HOGA1: variants seen among roughly 807,000 people sequenced by gnomAD.
HOGA1 encodes the protein 4-hydroxy-2-oxoglutarate aldolase, mitochondrial.
HOGA1 carries 30 observed loss-of-function variants against 34.3 expected under a neutral mutation model. The observed-to-expected ratio is 0.87, with a 90% CI of 0.65 to 1.19. HOGA1 has a LOEUF of 1.19. HOGA1 is among the 50% of genes most tolerant of loss of function. The pLI is 0.00. For missense variants in HOGA1, 417 were observed against 436.5 expected (o/e 0.96, Z 0.40); for synonymous variants, 161 against 174.0 (o/e 0.93, Z 0.59).
rs1249693271 is a variant in HOGA1, at chr10:97,603,806, C to T, written c.834+1816C>T. On this transcript the variant is annotated intron_variant, in intron 6 of 6. Coordinates refer to ENST00000370646, the MANE Select transcript of HOGA1 (RefSeq NM_138413.4). This position sits in a 1 kb window ranked among gnomAD's most constrained non-coding sequence, Gnocchi z 4.5. ...CGAACTCCTGACCTCATGATCCACCCGCCTCGACCTCCCAAAGTGCTGGGA... is the reference window on the plus strand; with the variant it reads ...CGAACTCCTGACCTCATGATCCACCTGCCTCGACCTCCCAAAGTGCTGGGA... Among the ~76,000 whole-genome samples the T allele has an allele frequency of 1.3e-5, 2 of 152,098 alleles. No individual in the cohort carries two copies. The highest frequency in any genetic ancestry group is 2.9e-5 in the Non-Finnish European group (2 of 68,030).
chr10:97,591,126 C>T (rs535647879), intron 1 of HOGA1, among the ~76,000 whole-genome samples: 63 of 152,238 alleles, frequency 4.1e-4, no homozygotes, highest in Middle Eastern at 3.4e-3. Context: ...TACCTCTAGA[C>T]GTCTCAACAC....
intron 1 of HOGA1, chr10:97,590,446 C>T (rs1191144942): frequency 6.2e-7 from 1 of 1,613,972 alleles, no homozygotes; most frequent in Non-Finnish European, 8.5e-7. Context: ...AGAATTTCCT[C>T]ACCCAGCGGG....
At chr10:97,590,994 T>G (rs527800581) in intron 1 of HOGA1, 6 of 186,446 alleles carry the variant, frequency 3.2e-5, no homozygotes, top group Admixed American at 1.1e-4. Context: ...GGGAGGGGGC[T>G]CCCTCTCCAG....
chr10:97,594,600 G>T (rs567394764), intron 1 of HOGA1, among the ~76,000 whole-genome samples: 1 of 151,850 alleles, frequency 6.6e-6, no homozygotes, highest in African/African-American at 2.4e-5. Context: ...TGGTTCGCCC[G>T]CCTCGGCGTC....
rs767150761 is a variant in HOGA1 at position 97,598,919 on chromosome 10, C to G, written c.340+16C>G. The stretch of plus-strand genomic sequence containing the variant: ...GGATGCGAGTGTGAGCCAGAATGCC[C>G]TGGGCCCTGGGGGTGGGTGGATGTG... On this transcript the variant is annotated intron_variant, in intron 2 of 6. Transcript: ENST00000370646. 1 of 1,613,346 alleles carries G rather than the reference C, an allele frequency of 6.2e-7. No individual in the cohort carries two copies.
At chr10:97,599,515 T>C (rs1402164149) in intron 3 of HOGA1, 165 bp from the exon 4 acceptor site, 2 of 889,794 alleles carry the variant, frequency 2.2e-6, no homozygotes, top group Admixed American at 1.8e-5. Context: ...TCCATAAATA[T>C]GACCCACTGT....
At position 97,603,204 on chromosome 10, in the gene HOGA1, A is replaced by G. The variant is rs77550196; in HGVS notation, c.834+1214A>G. 0.1 allele frequency among the ~76,000 whole-genome samples: 15,389 copies of G among 152,012 alleles called. 1,210 individuals carry two copies. The highest frequency in any genetic ancestry group is 0.23 in the African/African-American group (9,326 of 41,444). On this transcript the variant is annotated intron_variant, in intron 6 of 6. Transcript: ENST00000370646. The surrounding 1 kb of genome is among the most constrained non-coding windows in gnomAD (Gnocchi z 4.5). ...TTTTTAGTAGAGACGGGGTTTCACC[A>G]TGTTGGCCAGGCTGGCCTCAAACTC...
intron 1 of HOGA1, among the ~76,000 whole-genome samples, chr10:97,593,092 C>G (rs559969418): frequency 6.9e-6 from 1 of 144,250 alleles, no homozygotes. Context: ...TACGTAAAGA[C>G]AAAGAAGAGT....
chr10:97,590,067 G>A lies in HOGA1; in HGVS notation c.211+5153G>A, dbSNP rs550553605. The A allele has an allele frequency of 3.7e-5, 60 of 1,614,150 alleles. No homozygotes were observed. In the East Asian group the frequency reaches 8.9e-4, roughly 24 times the overall value. On this transcript the variant is annotated intron_variant, in intron 1 of 6. Coordinates refer to ENST00000370646, the MANE Select transcript of HOGA1 (RefSeq NM_138413.4). ...CTCGACAACAATGCCAGCGCTAGTG[G>A]CAATGCTACCCAGACTGAGAGTGGG...
chr10:97,598,630 A>C, intron 1 of HOGA1, 145 bp from the exon 2 acceptor site: 1 of 1,051,494 alleles, frequency 9.5e-7, no homozygotes, highest in Non-Finnish European at 1.5e-6. Flanking sequence ...TGATGTGAAC[A>C]GTCATTGCAG....
At chr10:97,600,819 A>G (rs2041109900) in intron 5 of HOGA1, 1 of 154,886 alleles carries the variant, frequency 6.5e-6, no homozygotes, top group South Asian at 2.0e-4. Context: ...TTCCTATTCC[A>G]TCTGGTCCCT....
At position 97,598,886 on chromosome 10, in the gene HOGA1, C is replaced by A; in HGVS notation, c.323C>A (p.Ala108Asp). The stretch of plus-strand genomic sequence containing the variant: ...ATGCCCAAGAACAGGCTCCTGCTAG[C>A]TGGCTCCGGATGCGAGTGTGAGCCA... ...QAMPKNRLLL[A>D]GSGCESTQAT... The change falls in exon 2 of 7, where the codon GCT (alanine) becomes GAT (aspartate). Residue 108 changes from alanine (A) to aspartate (D), a missense_variant. Physicochemically the swap from Ala to Asp is moderately radical, Grantham distance 126 (BLOSUM62 -2). Transcript: ENST00000370646. 1.9e-6 allele frequency: 3 copies of A among 1,614,102 alleles called. No homozygotes were observed. Among genetic ancestry groups the A allele is most frequent in the African/African-American group, 1.3e-5 (1 of 75,058 alleles).
intron 6 of HOGA1, chr10:97,602,347 G>T: frequency 8.2e-7 from 1 of 1,219,438 alleles, no homozygotes; most frequent in Non-Finnish European, 1.0e-6. Flanking sequence ...TGTAAACCAG[G>T]GGCCTCTAAA....
chr10:97,608,193 C>T (rs923319864), intron 6 of HOGA1, among the ~76,000 whole-genome samples: 1 of 152,100 alleles, frequency 6.6e-6, no homozygotes, highest in African/African-American at 2.4e-5. Context: ...GCAACTCTAG[C>T]CCCAGCTACT....
At chr10:97,585,293 C>T (rs924170016) in intron 1 of HOGA1, among the ~76,000 whole-genome samples, 2 of 152,140 alleles carry the variant, frequency 1.3e-5, no homozygotes, top group Non-Finnish European at 2.9e-5. Context: ...CAGCCACAGT[C>T]CCAGTTCCCT....
In HOGA1 at chr10:97,611,739, G is replaced by C. The variant is rs1313664785; in HGVS notation, c.*80G>C. On this transcript the variant is annotated 3_prime_UTR_variant, in exon 7 of 7. Coordinates refer to ENST00000370646, the MANE Select transcript of HOGA1 (RefSeq NM_138413.4). ...TTGCAGCCTGAAGCGGAGAGCACAG[G>C]GGGATGAGGGTGGCAGGCAGCGGGG... 1 of 1,511,718 alleles carries C rather than the reference G, an allele frequency of 6.6e-7. No individual in the cohort carries two copies. Among genetic ancestry groups the C allele is most frequent in the Admixed American group, 1.9e-5 (1 of 51,552 alleles). The allele number at this position is 1,511,718 out of a possible 1,614,324, so 93.6% of individuals were successfully genotyped here.
chr10:97,590,158 C>CG, intron 1 of HOGA1: 4 of 1,614,046 alleles, frequency 2.5e-6, no homozygotes, highest in Non-Finnish European at 3.4e-6. Flanking sequence ...AAGTGGGCTC[C>CG]GCTCTGCACC....
At chr10:97,606,135 A>C (rs1486772126) in intron 6 of HOGA1, among the ~76,000 whole-genome samples, 1 of 149,380 alleles carries the variant, frequency 6.7e-6, no homozygotes, top group Admixed American at 6.7e-5. Context: ...ATACAAAAAA[A>C]AAAAAAAAAA....
rs750507401 is a variant in HOGA1, at chr10:97,584,904, C to A, written c.201C>A (p.Phe67Leu). Residue 67 changes from phenylalanine (F) to leucine (L), a missense_variant, in exon 1 of 7, where the codon TTC becomes TTA. Phe to Leu is a conservative substitution (Grantham distance 22, BLOSUM62 0). Transcript: ENST00000370646. ...AGAATCTGCACAAACTGGGCACCTT[C>A]CCCTTCCGAGGTAAGTGGGGCTGTC... The part of the protein sequence containing the change: ...LEENLHKLGT[F>L]PFRGFVVQGS... The A allele has an allele frequency of 3.1e-6, 5 of 1,614,030 alleles. No individual in the cohort carries two copies. Among genetic ancestry groups the A allele is most frequent in the Non-Finnish European group, 4.2e-6 (5 of 1,179,964 alleles).
Sources: allele counts gnomAD v4.1 joint callset (sites outside exome capture counted in the v4.1 genomes callset), GRCh38; gene constraint gnomAD v4.1.1; non-coding constraint Gnocchi (gnomAD v3.1); transcripts MANE v1.5; gene names NCBI Gene and HGNC (gene_info 2026-07-23, HGNC 2026-07-21).